INPP4B: variants seen among roughly 807,000 people sequenced by gnomAD.
INPP4B encodes inositol polyphosphate-4-phosphatase type II B, also known as inositol polyphosphate 4-phosphatase type II.
A neutral mutation model predicts 122.5 loss-of-function variants in INPP4B; 55 were observed. The ratio of observed to expected loss-of-function variants is 0.45; its 90% CI spans 0.36 to 0.56. The LOEUF is 0.56. Ranked by LOEUF, INPP4B falls within the 20% of genes least tolerant of loss-of-function variation. INPP4B has a pLI of 0.00. For missense variants in INPP4B, 1,000 were observed against 1,097.7 expected, an observed-to-expected ratio of 0.91 and a Z score of 1.26; for synonymous variants, 403 against 388.7, an observed-to-expected ratio of 1.04 and a Z score of -0.43.
intron 14 of INPP4B, among the ~76,000 whole-genome samples, chr4:142,199,970 C>A (rs547589059): frequency 6.6e-6 from 1 of 152,098 alleles, no homozygotes; most frequent in East Asian, 1.9e-4. Context: ...TAAACTTTTA[C>A]TCACTAATTT....
intron 2 of INPP4B, among the ~76,000 whole-genome samples, chr4:142,494,581 A>G (rs115363210): frequency 4.4e-4 from 67 of 152,296 alleles, no homozygotes; most frequent in African/African-American, 1.5e-3. Context: ...TTTCTTGCAT[A>G]CATTCATTAA....
chr4:142,826,500 A>G (rs909334565), intron 1 of INPP4B, among the ~76,000 whole-genome samples: 2 of 145,408 alleles, frequency 1.4e-5, no homozygotes, highest in Non-Finnish European at 3.1e-5. Flanking sequence ...ATAAAATCAC[A>G]CACACACACA....
At chr4:142,127,788 A>G (rs1029038320) in intron 18 of INPP4B, among the ~76,000 whole-genome samples, 1 of 152,118 alleles carries the variant, frequency 6.6e-6, no homozygotes, top group African/African-American at 2.4e-5. Flanking sequence ...TTTTTTTTCT[A>G]GAAAAGAAAC....
intron 15 of INPP4B, among the ~76,000 whole-genome samples, chr4:142,176,897 T>G (rs564827552): frequency 9.5e-4 from 144 of 152,314 alleles, no homozygotes; most frequent in Non-Finnish European, 1.5e-3. Context: ...CAAATTTTCT[T>G]AGCACCTTTT....
At chr4:142,341,483 T>C (rs1263101014) in intron 7 of INPP4B, among the ~76,000 whole-genome samples, 1 of 152,148 alleles carries the variant, frequency 6.6e-6, no homozygotes, top group African/African-American at 2.4e-5. Flanking sequence ...ATTTACTTAA[T>C]ACAGCAGAGA....
intron 2 of INPP4B, among the ~76,000 whole-genome samples, chr4:142,484,777 G>A (rs1006496137): frequency 2.0e-5 from 3 of 151,662 alleles, no homozygotes; most frequent in Non-Finnish European, 4.4e-5. Flanking sequence ...TCCACCCTTC[G>A]ACAGGTCCCT....
intron 2 of INPP4B, among the ~76,000 whole-genome samples, chr4:142,521,339 C>T (rs1200496817): frequency 6.6e-6 from 1 of 151,832 alleles, no homozygotes; most frequent in Admixed American, 6.6e-5. Flanking sequence ...TTCATATTTC[C>T]ATTAGCATAT....
chr4:142,305,674 G>A (rs752962054), intron 8 of INPP4B, 137 bp from the exon 9 acceptor site: 1 of 1,464,934 alleles, frequency 6.8e-7, no homozygotes, highest in Non-Finnish European at 9.1e-7. Context: ...CAGTAACAGA[G>A]ATAAAATTAT....
Position 142,382,638 on chromosome 4 carries a change from A to C in INPP4B, c.372+20300T>G, listed in dbSNP as rs1794603802. Among the ~76,000 whole-genome samples the C allele has an allele frequency of 2.7e-5, 4 of 145,514 alleles. 1 individual carries two copies. ...TTATATATATACTATAAATATATAC[A>C]TTTATATATTATATATATTTATATA... On this transcript the variant is annotated intron_variant, in intron 7 of 25. Coordinates refer to ENST00000262992, the MANE Select transcript of INPP4B (RefSeq NM_001101669.3).
intron 2 of INPP4B, among the ~76,000 whole-genome samples, chr4:142,713,558 G>T (rs1287284447): frequency 6.6e-6 from 1 of 152,182 alleles, no homozygotes; most frequent in Non-Finnish European, 1.5e-5. Context: ...AAGAGAAAAG[G>T]AAGTGATTGA....
At chr4:142,138,936 C>T (rs1806214284) in intron 18 of INPP4B, among the ~76,000 whole-genome samples, 1 of 152,162 alleles carries the variant, frequency 6.6e-6, no homozygotes, top group African/African-American at 2.4e-5. Flanking sequence ...AAAGATTTTG[C>T]TCATCTTTTC....
intron 23 of INPP4B, among the ~76,000 whole-genome samples, chr4:142,103,634 G>C (rs1482885764): frequency 2.0e-5 from 3 of 152,066 alleles, no homozygotes; most frequent in African/African-American, 7.2e-5. Context: ...CCTTAATATA[G>C]ATTATTCTTT....
chr4:142,707,833 TG>T (rs1762639351), intron 2 of INPP4B, among the ~76,000 whole-genome samples: 1 of 152,340 alleles, frequency 6.6e-6, no homozygotes, highest in Non-Finnish European at 1.5e-5. Flanking sequence ...GAAGCACCTT[TG>T]GAACTGGGTA....
intron 10 of INPP4B, among the ~76,000 whole-genome samples, chr4:142,263,691 A>G (rs1451078290): frequency 1.4e-4 from 14 of 98,084 alleles, no homozygotes; most frequent in African/African-American, 4.1e-4. Flanking sequence ...ACATTGAACA[A>G]TGACAAGTAC....
At chr4:142,029,972 C>CT in intron 25 of INPP4B, 1 of 1,379,286 alleles carries the variant, frequency 7.3e-7, no homozygotes, top group Non-Finnish European at 9.4e-7. Context: ...ATGCATAGTA[C>CT]TTTTTGTTTT....
At chr4:142,300,007 A>G (rs1182570240) in intron 9 of INPP4B, among the ~76,000 whole-genome samples, 1 of 152,220 alleles carries the variant, frequency 6.6e-6, no homozygotes, top group East Asian at 1.9e-4. Flanking sequence ...GAAGACATAC[A>G]TCAACTTTAT....
intron 7 of INPP4B, among the ~76,000 whole-genome samples, chr4:142,380,426 A>G (rs564292169): frequency 2.6e-5 from 4 of 152,220 alleles, no homozygotes; most frequent in South Asian, 2.1e-4. Context: ...TCTCACACCC[A>G]TCAGTATTTC....
intron 2 of INPP4B, among the ~76,000 whole-genome samples, chr4:142,539,826 AAATG>A (rs1188735031): frequency 6.6e-6 from 1 of 152,066 alleles, no homozygotes; most frequent in Non-Finnish European, 1.5e-5. Context: ...AATTATGATA[AAATG>A]AATTAGCGTA....
At chr4:142,536,981 G>A (rs1828275864) in intron 2 of INPP4B, among the ~76,000 whole-genome samples, 1 of 151,940 alleles carries the variant, frequency 6.6e-6, no homozygotes, top group Admixed American at 6.6e-5. Flanking sequence ...ATTTTTAGTA[G>A]AGACAGGGTT....
Sources: gnomAD v4.1 joint callset for allele counts (sites outside exome capture counted in the v4.1 genomes callset) on GRCh38, gnomAD v4.1.1 for gene constraint, MANE v1.5 for transcripts, NCBI Gene and HGNC (gene_info 2026-07-23, HGNC 2026-07-21) for gene names.